KSR2: variants seen among roughly 807,000 people sequenced by gnomAD.
The protein encoded by KSR2 is kinase suppressor of ras 2.
In KSR2, 25 loss-of-function variants were observed where a neutral mutation model predicts 107.8. The ratio of observed to expected loss-of-function variants is 0.23; its 90% CI spans 0.17 to 0.32. The LOEUF (loss-of-function observed/expected upper bound fraction) is 0.32. Ranked by LOEUF, KSR2 falls within the 10% of genes least tolerant of loss-of-function variation. KSR2 has a pLI of 1.00. For synonymous variants in KSR2, 480 were observed against 507.0 expected, an observed-to-expected ratio of 0.95 and a Z score of 0.71; for missense variants, 887 against 1,268.9, an observed-to-expected ratio of 0.70 and a Z score of 4.57.
At chr12:117,541,553 G>A (rs1245993363) in intron 9 of KSR2, among the ~76,000 whole-genome samples, 2 of 152,150 alleles carry the variant, frequency 1.3e-5, no homozygotes, top group Admixed American at 6.5e-5. Flanking sequence ...GTTCCCAGGG[G>A]AGCCTTCATC....
chr12:117,526,026 C>T (rs957453248), intron 13 of KSR2, among the ~76,000 whole-genome samples: 5 of 152,178 alleles, frequency 3.3e-5, no homozygotes, highest in East Asian at 1.9e-4. Context: ...GCCCCAGGGC[C>T]GGTGTGAGGT....
intron 1 of KSR2, among the ~76,000 whole-genome samples, chr12:117,924,912 A>T (rs889499872): frequency 1.3e-5 from 2 of 152,300 alleles, no homozygotes; most frequent in Middle Eastern, 6.8e-3. Flanking sequence ...CTGTGGTAGT[A>T]GCTTTCTGTA....
At chr12:117,862,728 C>CTTTTT (rs60357744) in intron 1 of KSR2, among the ~76,000 whole-genome samples, 1 of 135,572 alleles carries the variant, frequency 7.4e-6, no homozygotes, top group Non-Finnish European at 1.6e-5. Flanking sequence ...CATTCCCCCC[C>CTTTTT]TTTTTTTTTT....
intron 3 of KSR2, among the ~76,000 whole-genome samples, chr12:117,804,634 A>G (rs1396162173): frequency 6.6e-6 from 1 of 152,218 alleles, no homozygotes; most frequent in Non-Finnish European, 1.5e-5. Context: ...AGAAAGACAA[A>G]GAAATCTTTC....
chr12:117,962,094 A>C (rs1053146558), intron 1 of KSR2, among the ~76,000 whole-genome samples: 2 of 145,950 alleles, frequency 1.4e-5, no homozygotes, highest in African/African-American at 5.0e-5. Context: ...GCAGTGAGCT[A>C]TGATGGCACC....
chr12:117,509,244 C>T (rs1050792254), intron 14 of KSR2, among the ~76,000 whole-genome samples: 2 of 152,102 alleles, frequency 1.3e-5, no homozygotes, highest in Admixed American at 6.6e-5. Context: ...AGAAGAAGAA[C>T]GTGAATTCTT....
At chr12:117,671,488 C>A (rs1455844688) in intron 4 of KSR2, among the ~76,000 whole-genome samples, 3 of 152,170 alleles carry the variant, frequency 2.0e-5, no homozygotes, top group Non-Finnish European at 4.4e-5. Flanking sequence ...TCCTTGGCAA[C>A]CAGCACAAAG....
chr12:117,484,839 C>T (rs1213446472), intron 15 of KSR2, among the ~76,000 whole-genome samples: 3 of 152,160 alleles, frequency 2.0e-5, no homozygotes, highest in Non-Finnish European at 4.4e-5. Context: ...AAAAGATCCC[C>T]AGGGAAAGGA....
intron 5 of KSR2, among the ~76,000 whole-genome samples, chr12:117,586,403 A>G (rs1260520229): frequency 1.3e-5 from 2 of 152,108 alleles, no homozygotes; most frequent in Non-Finnish European, 2.9e-5. Context: ...CTTGGCCAAC[A>G]TGGTGAAACC....
chr12:117,951,350 C>T (rs1896359766), intron 1 of KSR2, among the ~76,000 whole-genome samples: 1 of 152,114 alleles, frequency 6.6e-6, no homozygotes, highest in Admixed American at 6.6e-5. Context: ...AAAATAAAAA[C>T]GGTGGCATCT....
At chr12:117,804,656 T>C (rs1890952884) in intron 3 of KSR2, among the ~76,000 whole-genome samples, 1 of 152,198 alleles carries the variant, frequency 6.6e-6, no homozygotes, top group Admixed American at 6.5e-5. Context: ...AGCCACCCCA[T>C]TAAGGAACCG....
At chr12:117,516,316 A>G (rs1874374973) in intron 14 of KSR2, among the ~76,000 whole-genome samples, 1 of 152,184 alleles carries the variant, frequency 6.6e-6, no homozygotes, top group Non-Finnish European at 1.5e-5. Context: ...GGATGGCTCA[A>G]AGCTTACAGA....
At chr12:117,468,021 T>C (rs1208126257) in intron 19 of KSR2, among the ~76,000 whole-genome samples, 1 of 152,056 alleles carries the variant, frequency 6.6e-6, no homozygotes, top group Non-Finnish European at 1.5e-5. Flanking sequence ...TCTCTTCAGT[T>C]GAACTGCTAG....
chr12:117,724,166 G>C (rs1416554145), intron 4 of KSR2, among the ~76,000 whole-genome samples: 2 of 151,964 alleles, frequency 1.3e-5, no homozygotes, highest in Non-Finnish European at 2.9e-5. Flanking sequence ...AAATTAGCCA[G>C]GCATGGTGGT....
At chr12:117,708,875 A>C (rs1055302201) in intron 4 of KSR2, among the ~76,000 whole-genome samples, 53 of 152,220 alleles carry the variant, frequency 3.5e-4, no homozygotes, top group African/African-American at 1.3e-3. Flanking sequence ...AACGGCTTAA[A>C]ACCACACATA....
intron 2 of KSR2, among the ~76,000 whole-genome samples, chr12:117,858,666 G>T (rs1031043239): frequency 2.0e-5 from 3 of 152,190 alleles, no homozygotes; most frequent in African/African-American, 7.2e-5. Flanking sequence ...GCTCTGGGGG[G>T]ACCCAGGCAA....
intron 1 of KSR2, among the ~76,000 whole-genome samples, chr12:117,916,250 C>A (rs1013245345): frequency 1.3e-5 from 2 of 150,954 alleles, no homozygotes; most frequent in African/African-American, 4.9e-5. Context: ...AATTCTCCTG[C>A]CTCAGCCTCT....
intron 4 of KSR2, among the ~76,000 whole-genome samples, chr12:117,678,963 G>A (rs1885255110): frequency 1.3e-5 from 2 of 152,166 alleles, no homozygotes; most frequent in South Asian, 2.1e-4. Flanking sequence ...GGTGGGGCAT[G>A]GCATCAGTGG....
At chr12:117,943,363 T>C (rs1896068210) in intron 1 of KSR2, among the ~76,000 whole-genome samples, 1 of 152,022 alleles carries the variant, frequency 6.6e-6, no homozygotes, top group African/African-American at 2.4e-5. Context: ...ATTGTCACAT[T>C]GAACCATCAT....
Sources: allele counts gnomAD v4.1 joint callset (sites outside exome capture counted in the v4.1 genomes callset), GRCh38; gene constraint gnomAD v4.1.1; transcripts MANE v1.5; gene names NCBI Gene and HGNC (gene_info 2026-07-23, HGNC 2026-07-21).